RIMS2: variants seen among roughly 807,000 people sequenced by gnomAD.
The protein encoded by RIMS2 is regulating synaptic membrane exocytosis 2, also known as regulating synaptic membrane exocytosis protein 2.
Under a neutral mutation model 174.4 loss-of-function variants are expected in RIMS2, and 59 were observed. The ratio of observed to expected loss-of-function variants is 0.34; its 90% CI spans 0.27 to 0.42. The LOEUF is 0.42. Among genes scored for constraint, RIMS2 ranks in the 10% least tolerant of loss-of-function variants. The pLI, the probability that RIMS2 is intolerant of heterozygous loss-of-function variation, is 1.00. For missense variants in RIMS2, 1,620 were observed against 1,666.3 expected, an observed-to-expected ratio of 0.97 and a Z score of 0.48; for synonymous variants, 606 against 572.5, an observed-to-expected ratio of 1.06 and a Z score of -0.84.
intron 19 of RIMS2, among the ~76,000 whole-genome samples, chr8:104,214,513 T>C (rs2099120920): frequency 6.6e-6 from 1 of 152,134 alleles, no homozygotes; most frequent in Admixed American, 6.5e-5. Flanking sequence ...AGTGGCATGA[T>C]CTCGGTTCAC....
At chr8:103,945,933 T>C (rs2083635461) in intron 14 of RIMS2, among the ~76,000 whole-genome samples, 1 of 152,154 alleles carries the variant, frequency 6.6e-6, no homozygotes, top group Non-Finnish European at 1.5e-5. Context: ...GGAAAGGATG[T>C]CTCTTCTTAT....
intron 19 of RIMS2, among the ~76,000 whole-genome samples, chr8:104,243,711 G>A (rs2099315146): frequency 6.6e-6 from 1 of 151,984 alleles, no homozygotes; most frequent in Admixed American, 6.6e-5. Flanking sequence ...ATTAATACCA[G>A]CCACTAAAAG....
chr8:103,800,642 T>A (rs1215857699), intron 3 of RIMS2, among the ~76,000 whole-genome samples: 1 of 152,212 alleles, frequency 6.6e-6, no homozygotes, highest in African/African-American at 2.4e-5. Flanking sequence ...CTGATTGTTT[T>A]CAAATGCTGC....
At chr8:103,607,069 G>C (rs986612863) in intron 1 of RIMS2, among the ~76,000 whole-genome samples, 1 of 151,500 alleles carries the variant, frequency 6.6e-6, no homozygotes, top group Non-Finnish European at 1.5e-5. Context: ...TATTTTGCTC[G>C]TTAGTTGATG....
chr8:103,653,241 A>G (rs569485488), intron 1 of RIMS2, among the ~76,000 whole-genome samples: 1 of 152,288 alleles, frequency 6.6e-6, no homozygotes, highest in South Asian at 2.1e-4. Flanking sequence ...ATGAAACATA[A>G]TTTGGGAAAT....
chr8:103,857,301 A>T (rs1262555369), intron 3 of RIMS2, among the ~76,000 whole-genome samples: 1 of 152,222 alleles, frequency 6.6e-6, no homozygotes, highest in Non-Finnish European at 1.5e-5. Context: ...TTATTTTGTT[A>T]TGAATAAGAT....
At chr8:103,862,933 A>G (rs1277293802) in intron 3 of RIMS2, among the ~76,000 whole-genome samples, 1 of 152,020 alleles carries the variant, frequency 6.6e-6, no homozygotes, top group East Asian at 1.9e-4. Flanking sequence ...CCCTTTTCCT[A>G]TTTGGATGTG....
At chr8:103,626,293 C>G (rs989503907) in intron 1 of RIMS2, among the ~76,000 whole-genome samples, 1 of 152,110 alleles carries the variant, frequency 6.6e-6, no homozygotes, top group Non-Finnish European at 1.5e-5. Context: ...CTGTCAACCT[C>G]TTCTGTTACC....
At position 103,930,366 on chromosome 8, in the gene RIMS2, C is replaced by T. The variant is rs570453299; in HGVS notation, c.2245-897C>T. ...AGTAGTGGTTTTTAACTGTTATTCTCAAGTTCCAAATTTCTGTCCATTTCA... is the reference window on the plus strand; with the variant it reads ...AGTAGTGGTTTTTAACTGTTATTCTTAAGTTCCAAATTTCTGTCCATTTCA... On this transcript the variant is annotated intron_variant, in intron 11 of 23. Transcript: ENST00000504942. Among the ~76,000 whole-genome samples the T allele has an allele frequency of 2.6e-5, 4 of 152,098 alleles. No homozygotes were observed. In the South Asian group the frequency reaches 8.3e-4, roughly 32 times the overall value.
At chr8:103,540,847 G>C (rs1029020280) in intron 1 of RIMS2, among the ~76,000 whole-genome samples, 1 of 152,042 alleles carries the variant, frequency 6.6e-6, no homozygotes, top group Non-Finnish European at 1.5e-5. Context: ...AGAAAATCTG[G>C]AGGAGAAAAA....
chr8:103,938,133 A>T (rs753218892), intron 13 of RIMS2, among the ~76,000 whole-genome samples: 18 of 152,214 alleles, frequency 1.2e-4, no homozygotes, highest in Non-Finnish European at 2.5e-4. Context: ...GTGGAGAATG[A>T]TTGAAGAGGG....
chr8:104,093,350 C>G (rs1037520424), intron 19 of RIMS2, 121 bp from the exon 24 acceptor site: 1 of 626,834 alleles, frequency 1.6e-6, no homozygotes, highest in East Asian at 2.9e-5. Flanking sequence ...TTATATGCAA[C>G]TGAGTGGGAT....
intron 1 of RIMS2, among the ~76,000 whole-genome samples, chr8:103,610,346 G>T (rs989576679): frequency 1.3e-5 from 2 of 152,050 alleles, no homozygotes; most frequent in Non-Finnish European, 2.9e-5. Flanking sequence ...TCATTGCTCT[G>T]GTCAGGACTT....
chr8:104,007,756 A>G (rs1484862244), intron 17 of RIMS2, among the ~76,000 whole-genome samples: 2 of 152,166 alleles, frequency 1.3e-5, no homozygotes, highest in Non-Finnish European at 2.9e-5. Context: ...TGTTGAGATC[A>G]TATGATCAGT....
intron 19 of RIMS2, among the ~76,000 whole-genome samples, chr8:104,027,834 A>C (rs2096287550): frequency 6.6e-6 from 1 of 152,188 alleles, no homozygotes; most frequent in Admixed American, 6.5e-5. Context: ...ACCTAATAGA[A>C]GGTCCCATCT....
intron 3 of RIMS2, among the ~76,000 whole-genome samples, chr8:103,869,639 T>TA (rs944855769): frequency 4.4e-4 from 65 of 148,728 alleles, no homozygotes; most frequent in African/African-American, 1.2e-3. Flanking sequence ...ACGCTTCTAA[T>TA]AAAAAAAAAA....
intron 2 of RIMS2, among the ~76,000 whole-genome samples, chr8:103,764,323 A>G (rs1023145647): frequency 2.6e-5 from 4 of 152,232 alleles, no homozygotes; most frequent in African/African-American, 7.2e-5. Flanking sequence ...AGATAAATTC[A>G]TATCTTATAA....
chr8:104,199,925 C>A (rs972112967), intron 19 of RIMS2, among the ~76,000 whole-genome samples: 1 of 152,058 alleles, frequency 6.6e-6, no homozygotes, highest in Non-Finnish European at 1.5e-5. Flanking sequence ...GAACCTGGGT[C>A]CTACTTGGGG....
intron 1 of RIMS2, among the ~76,000 whole-genome samples, chr8:103,576,333 G>A (rs2093234564): frequency 6.6e-6 from 1 of 152,140 alleles, no homozygotes; most frequent in Non-Finnish European, 1.5e-5. Flanking sequence ...AAATCACAAA[G>A]CATCTGTAAG....
Sources: gnomAD v4.1 joint callset for allele counts (sites outside exome capture counted in the v4.1 genomes callset) on GRCh38, gnomAD v4.1.1 for gene constraint, MANE v1.5 for transcripts, NCBI Gene and HGNC (gene_info 2026-07-23, HGNC 2026-07-21) for gene names.